SNX29: variants seen among roughly 807,000 people sequenced by gnomAD.
SNX29 encodes the protein sorting nexin 29.
Under a neutral mutation model 102.1 loss-of-function variants are expected in SNX29, and 78 were observed. The observed-to-expected ratio is 0.76, with a 90% CI of 0.64 to 0.92. The LOEUF (loss-of-function observed/expected upper bound fraction) is 0.92, where lower values mean the gene tolerates loss of function less well. Among genes scored for constraint, SNX29 ranks in the 40% least tolerant of loss-of-function variants. The pLI, the probability that SNX29 is intolerant of heterozygous loss-of-function variation, is 0.00. For synonymous variants in SNX29, 580 were observed against 414.5 expected (o/e 1.40, Z -4.85); for missense variants, 1,280 against 1,061.7 (o/e 1.21, Z -2.86).
chr16:12,407,921 A>C (rs1437282236), intron 18 of SNX29, among the ~76,000 whole-genome samples: 4 of 152,192 alleles, frequency 2.6e-5, no homozygotes, highest in Non-Finnish European at 5.9e-5. Flanking sequence ...TTGAGCCTGC[A>C]GGGAGCTACG....
At chr16:12,568,134 A>T (rs910610424) in intron 20 of SNX29, among the ~76,000 whole-genome samples, 2 of 152,102 alleles carry the variant, frequency 1.3e-5, no homozygotes, top group Admixed American at 1.3e-4. Flanking sequence ...GTGTTCTCCA[A>T]AGTTGCCTTG....
chr16:12,001,662 A>G (rs774861258), intron 2 of SNX29, among the ~76,000 whole-genome samples: 3 of 152,128 alleles, frequency 2.0e-5, no homozygotes, highest in Non-Finnish European at 2.9e-5. Context: ...AGTAGTTTTG[A>G]TAATAAGTTT....
chr16:12,264,388 C>T (rs897989552), intron 14 of SNX29, among the ~76,000 whole-genome samples: 13 of 152,226 alleles, frequency 8.5e-5, no homozygotes, highest in African/African-American at 3.1e-4. Flanking sequence ...GTTCCATAAA[C>T]CCAGGCCTTA....
chr16:12,555,118 A>C (rs539654519), intron 20 of SNX29, among the ~76,000 whole-genome samples: 40 of 118,314 alleles, frequency 3.4e-4, no homozygotes, highest in Non-Finnish European at 7.7e-4. Context: ...ATCTCAGAGT[A>C]TCAAAAGGCT....
intron 14 of SNX29, among the ~76,000 whole-genome samples, chr16:12,243,063 C>A (rs529851038): frequency 6.6e-6 from 1 of 152,232 alleles, no homozygotes; most frequent in South Asian, 2.1e-4. Flanking sequence ...CCGTCTTTCA[C>A]GTGTCCTGGC....
chr16:12,239,941 G>T (rs894753404), intron 14 of SNX29, among the ~76,000 whole-genome samples: 37 of 151,860 alleles, frequency 2.4e-4, no homozygotes, highest in Admixed American at 2.4e-3. Flanking sequence ...CTATTGAAGA[G>T]ATTTGAAGTA....
intron 11 of SNX29, chr16:12,086,884 TGA>T (rs2052226726): frequency 6.6e-6 from 1 of 151,962 alleles, no homozygotes; most frequent in South Asian, 2.1e-4. Context: ...AAGATGCGGG[TGA>T]GAGAGAAACA....
At chr16:12,563,275 G>A (rs67872973) in intron 20 of SNX29, among the ~76,000 whole-genome samples, 39,593 of 151,830 alleles carry the variant, frequency 0.26, 5,735 homozygotes, top group East Asian at 0.43. Context: ...GAGGAACGTC[G>A]GGTTCTGGAT....
intron 13 of SNX29, among the ~76,000 whole-genome samples, chr16:12,164,608 T>C (rs1415761196): frequency 6.6e-6 from 1 of 152,056 alleles, no homozygotes; most frequent in Non-Finnish European, 1.5e-5. Context: ...AGCCTGAGCA[T>C]TTGGCTTGGA....
At chr16:12,490,979 G>T (rs1361957636) in intron 19 of SNX29, among the ~76,000 whole-genome samples, 2 of 152,118 alleles carry the variant, frequency 1.3e-5, no homozygotes, top group South Asian at 2.1e-4. Context: ...ATTATGAGAG[G>T]GTTTTCTTTT....
intron 11 of SNX29, among the ~76,000 whole-genome samples, chr16:12,117,371 T>G (rs1641856): frequency 2.6e-5 from 1 of 38,278 alleles, no homozygotes; most frequent in Admixed American, 2.4e-4. Context: ...CGTGCTTCAG[T>G]GCGGACGAAC....
intron 18 of SNX29, among the ~76,000 whole-genome samples, chr16:12,441,115 G>A (rs79477319): frequency 0.013 from 1,822 of 136,080 alleles, 37 homozygotes; most frequent in East Asian, 0.1. Context: ...TTTTTGTGAT[G>A]GAGTTTCTGT....
intron 2 of SNX29, 114 bp downstream of exon 2, chr16:11,999,472 A>G (rs866819375): frequency 2.0e-6 from 2 of 1,000,098 alleles, no homozygotes; most frequent in Middle Eastern, 2.2e-4. Flanking sequence ...ATACCTGGGA[A>G]CAGTGAAGTG....
At chr16:12,452,800 C>T (rs913421197) in intron 18 of SNX29, among the ~76,000 whole-genome samples, 1 of 152,288 alleles carries the variant, frequency 6.6e-6, no homozygotes, top group South Asian at 2.1e-4. Flanking sequence ...GGGACAGGAA[C>T]TGTCACCTCT....
intron 14 of SNX29, among the ~76,000 whole-genome samples, chr16:12,260,932 C>T (rs1249337095): frequency 1.3e-5 from 2 of 151,136 alleles, no homozygotes; most frequent in South Asian, 2.1e-4. Flanking sequence ...GTGCACGCGC[C>T]CCCGGCTGGA....
intron 16 of SNX29, among the ~76,000 whole-genome samples, chr16:12,388,811 G>A (rs2083425197): frequency 6.6e-6 from 1 of 152,192 alleles, no homozygotes; most frequent in Non-Finnish European, 1.5e-5. Flanking sequence ...TGACCTGGAG[G>A]GTTCTGCCTG....
intron 3 of SNX29, among the ~76,000 whole-genome samples, chr16:12,009,245 G>C (rs918921801): frequency 9.9e-5 from 15 of 152,200 alleles, no homozygotes; most frequent in African/African-American, 3.6e-4. Context: ...AGGTGTTGGT[G>C]GATGAGTAAT....
chr16:12,396,510 A>T (rs1022847160), intron 16 of SNX29, among the ~76,000 whole-genome samples: 1 of 152,154 alleles, frequency 6.6e-6, no homozygotes, highest in South Asian at 2.1e-4. Context: ...TGCCCAGAAG[A>T]GCTTTTCCCA....
intron 11 of SNX29, among the ~76,000 whole-genome samples, chr16:12,108,999 G>T (rs1021898171): frequency 4.6e-5 from 7 of 151,620 alleles, no homozygotes; most frequent in Non-Finnish European, 1.0e-4. Context: ...GCTGTGACAG[G>T]CTCCTGTAAC....
Sources: allele counts gnomAD v4.1 joint callset (sites outside exome capture counted in the v4.1 genomes callset), GRCh38; gene constraint gnomAD v4.1.1; transcripts MANE v1.5; gene names NCBI Gene and HGNC (gene_info 2026-07-23, HGNC 2026-07-21).